CAPN13: variants seen among roughly 807,000 people sequenced by gnomAD.
The protein encoded by CAPN13 is calpain 13, also known as calpain-13.
A neutral mutation model predicts 98.4 loss-of-function variants in CAPN13; 90 were observed. That is an observed-to-expected ratio of 0.92 (90% CI 0.77 to 1.09). The LOEUF (loss-of-function observed/expected upper bound fraction) is 1.09. Ranked by LOEUF, CAPN13 falls within the 50% of genes least tolerant of loss-of-function variation. CAPN13 has a pLI of 0.00. For synonymous variants in CAPN13, 330 were observed against 305.5 expected (o/e 1.08, Z -0.84); for missense variants, 887 against 841.3 (o/e 1.05, Z -0.67).
chr2:30,753,218 A>G lies in CAPN13; in HGVS notation c.942-20T>C. 1.2e-6 allele frequency: 2 copies of G among 1,613,220 alleles called. No homozygotes were observed. Among genetic ancestry groups the G allele is most frequent in the Non-Finnish European group, 1.7e-6 (2 of 1,179,392 alleles). ...GACATCCTGTTAAAAACAGATATAC[A>G]TCACTCAGTGACCAGGGGTTGTGTC... is the stretch of plus-strand genomic sequence containing the variant. On this transcript the variant is annotated intron_variant, in intron 9 of 22. Coordinates refer to ENST00000295055, the MANE Select transcript of CAPN13 (RefSeq NM_144575.3).
intron 5 of CAPN13, among the ~76,000 whole-genome samples, chr2:30,768,103 C>T (rs1047971081): frequency 6.6e-6 from 1 of 152,228 alleles, no homozygotes; most frequent in South Asian, 2.1e-4. Context: ...ACTTCCCTTG[C>T]CCCTTCACGG....
chr2:30,739,923 C>T (rs1671564776), intron 15 of CAPN13, among the ~76,000 whole-genome samples: 2 of 152,030 alleles, frequency 1.3e-5, no homozygotes, highest in Admixed American at 6.6e-5. Flanking sequence ...TTGTAATGTC[C>T]GGATGATGGG....
At position 30,747,669 on chromosome 2, in the gene CAPN13, A is replaced by C. The variant is rs540629117; in HGVS notation, c.1237-1935T>G. Among the ~76,000 whole-genome samples, 7 of 152,334 alleles carry C rather than the reference A, an allele frequency of 4.6e-5. No homozygotes were observed. In the South Asian group the frequency reaches 1.4e-3, roughly 32 times the overall value. ...CCCATGCCAGGGCTGGAGCATCATC[A>C]TATCAGCAGGTCAGCACTGGAGCCC... On this transcript the variant is annotated intron_variant, in intron 11 of 22. Transcript: ENST00000295055.
At chr2:30,802,504 C>T (rs757575152) in intron 1 of CAPN13, among the ~76,000 whole-genome samples, 17 of 137,150 alleles carry the variant, frequency 1.2e-4, no homozygotes, top group African/African-American at 2.5e-4. Context: ...TGAATGTAAA[C>T]GTGTCTAAGT....
At chr2:30,760,014 C>A (rs1672757774) in intron 7 of CAPN13, among the ~76,000 whole-genome samples, 1 of 152,212 alleles carries the variant, frequency 6.6e-6, no homozygotes, top group Non-Finnish European at 1.5e-5. Flanking sequence ...CTCCAAGAGG[C>A]ACGAACCCAG....
intron 7 of CAPN13, among the ~76,000 whole-genome samples, chr2:30,759,562 G>A (rs1033443133): frequency 6.6e-6 from 1 of 152,204 alleles, no homozygotes; most frequent in Non-Finnish European, 1.5e-5. Context: ...AGAGGAGAAG[G>A]ACAAGTCTGA....
At chr2:30,752,777 C>A (rs1370422255) in intron 10 of CAPN13, among the ~76,000 whole-genome samples, 1 of 152,262 alleles carries the variant, frequency 6.6e-6, no homozygotes. Context: ...TGAGCCCACT[C>A]TCCTCCCAGG....
At chr2:30,744,738 G>A (rs996963785) in intron 12 of CAPN13, among the ~76,000 whole-genome samples, 2 of 152,142 alleles carry the variant, frequency 1.3e-5, no homozygotes, top group Non-Finnish European at 2.9e-5. Context: ...ACAACGTGGG[G>A]GTTCTTGGTC....
In CAPN13 at chr2:30,796,175, T is replaced by TATATATACACAC. The variant is rs1553321142; in HGVS notation, c.-32-8819_-32-8818insGTGTGTATATAT. Among the ~76,000 whole-genome samples the TATATATACACAC allele has an allele frequency of 3.8e-3, 548 of 145,636 alleles. 5 individuals are homozygous for TATATATACACAC. The highest frequency in any genetic ancestry group is 0.014 in the African/African-American group (521 of 38,446). On this transcript the variant is annotated intron_variant, in intron 1 of 22. Transcript: ENST00000295055. ...ATATATATACATATATATGTGTGTA[T>TATATATACACAC]ATATATATACATATATATGTGTGTG...
intron 5 of CAPN13, among the ~76,000 whole-genome samples, chr2:30,766,153 T>C (rs1379225799): frequency 6.6e-6 from 1 of 152,226 alleles, no homozygotes; most frequent in Admixed American, 6.5e-5. Flanking sequence ...ACAGCCCCTT[T>C]CTGGTGATAC....
intron 15 of CAPN13, among the ~76,000 whole-genome samples, chr2:30,740,082 G>GTTTT (rs143581068): frequency 2.5e-5 from 3 of 121,404 alleles, no homozygotes; most frequent in Non-Finnish European, 3.5e-5. Context: ...ATTGTATTAG[G>GTTTT]TTTTTTTTTT....
intron 15 of CAPN13, among the ~76,000 whole-genome samples, chr2:30,739,280 C>T (rs189288871): frequency 6.6e-6 from 1 of 152,228 alleles, no homozygotes; most frequent in Admixed American, 6.5e-5. Context: ...TCATGGGGAG[C>T]TGGCGCTGGA....
At chr2:30,755,468 A>AT (rs1355742544) in intron 8 of CAPN13, among the ~76,000 whole-genome samples, 1 of 152,074 alleles carries the variant, frequency 6.6e-6, no homozygotes, top group East Asian at 1.9e-4. Flanking sequence ...GCATACAGTG[A>AT]TTTTTTGTTT....
intron 1 of CAPN13, among the ~76,000 whole-genome samples, chr2:30,804,046 A>G (rs1675456360): frequency 6.6e-6 from 1 of 152,208 alleles, no homozygotes; most frequent in African/African-American, 2.4e-5. Flanking sequence ...GTGCAAAGCA[A>G]AAAGTAGTGC....
At chr2:30,785,499 G>A (rs1026145130) in intron 2 of CAPN13, among the ~76,000 whole-genome samples, 1 of 152,180 alleles carries the variant, frequency 6.6e-6, no homozygotes, top group African/African-American at 2.4e-5. Flanking sequence ...GCTTTTGGAT[G>A]AGGAGAGTAG....
At chr2:30,787,455 T>C in intron 1 of CAPN13, 98 bp from the exon 2 acceptor site, 1 of 862,628 alleles carries the variant, frequency 1.2e-6, no homozygotes, top group South Asian at 1.9e-5. Flanking sequence ...TACCACCCTT[T>C]ACAGGGACTG....
intron 17 of CAPN13, chr2:30,737,266 T>C (rs1377298031): frequency 6.6e-6 from 1 of 152,362 alleles, no homozygotes; most frequent in Admixed American, 6.5e-5. Context: ...GCCTGATTTA[T>C]GATTTCATCA....
At chr2:30,806,316 C>T (rs749909310) in intron 1 of CAPN13, 1 of 152,170 alleles carries the variant, frequency 6.6e-6, no homozygotes. Context: ...TTGCCTATTA[C>T]ACAGTTGGTA....
intron 7 of CAPN13, among the ~76,000 whole-genome samples, chr2:30,758,980 C>CT (rs1672644814): frequency 1.5e-5 from 2 of 132,222 alleles, no homozygotes; most frequent in African/African-American, 5.8e-5. Flanking sequence ...TCTTTCCTTT[C>CT]TTCCCCCCTT....
Sources: gnomAD v4.1 joint callset for allele counts (sites outside exome capture counted in the v4.1 genomes callset) on GRCh38, gnomAD v4.1.1 for gene constraint, MANE v1.5 for transcripts, NCBI Gene and HGNC (gene_info 2026-07-23, HGNC 2026-07-21) for gene names.